ZNF559: variants seen among roughly 807,000 people sequenced by gnomAD.
The protein encoded by ZNF559 is zinc finger protein 559, also known as putative protein product of Nbla00121.
In ZNF559, 17 loss-of-function variants were observed where a neutral mutation model predicts 14.2. The ratio of observed to expected loss-of-function variants is 1.20; its 90% confidence interval spans 0.82 to 1.80. The LOEUF (loss-of-function observed/expected upper bound fraction) is 1.80. Among genes scored for constraint, ZNF559 ranks in the 40% most tolerant of loss-of-function variants. ZNF559 has a pLI of 0.00. For missense variants in ZNF559, 740 were observed against 629.7 expected (o/e 1.18, Z -1.88); for synonymous variants, 244 against 212.4 (o/e 1.15, Z -1.29).
At position 9,325,986 on chromosome 19, in the gene ZNF559, C is replaced by T. The variant is rs1400880464; in HGVS notation, c.-120+1206C>T. On this transcript the variant is annotated intron_variant, in intron 2 of 6. Transcript: ENST00000603380. The stretch of plus-strand genomic sequence containing the variant: ...AGACTTCATTGTCCATCCCCACCCC[C>T]AAATCAAATCAGATTTCCCCAGCTG... Among the ~76,000 whole-genome samples the T allele has an allele frequency of 2.6e-5, 4 of 152,102 alleles. No homozygotes were observed. The East Asian group carries it at 7.7e-4, about 29-fold the overall frequency.
chr19:9,333,472 G>A (rs1035298660), intron 2 of ZNF559, among the ~76,000 whole-genome samples: 5 of 152,166 alleles, frequency 3.3e-5, no homozygotes, highest in African/African-American at 1.2e-4. Context: ...GGAGGCCAAG[G>A]CAGGAGAATC....
intron 2 of ZNF559, among the ~76,000 whole-genome samples, chr19:9,332,414 ACT>A (rs1424751063): frequency 2.0e-5 from 3 of 151,476 alleles, no homozygotes; most frequent in Non-Finnish European, 2.9e-5. Context: ...GTTTGTGTTA[ACT>A]CTCTGCTCTG....
In ZNF559 at chr19:9,343,178, G is replaced by A; in HGVS notation, c.*110G>A. 1 of 1,499,500 alleles carries A rather than the reference G, an allele frequency of 6.7e-7. No homozygotes were observed. The highest frequency in any genetic ancestry group is 8.8e-7 in the Non-Finnish European group (1 of 1,133,292). The allele number at this position is 1,499,500 out of a possible 1,614,324, so 92.9% of individuals were successfully genotyped here. On this transcript the variant is annotated 3_prime_UTR_variant, in exon 7 of 7. Coordinates refer to ENST00000603380, the MANE Select transcript of ZNF559 (RefSeq NM_032497.3). ...TACACAGTCATAAGGAATGTGGGAAGCCTTCCTTGGTGTCTCAGATCTTAA... is the reference window on the plus strand; with the variant it reads ...TACACAGTCATAAGGAATGTGGGAAACCTTCCTTGGTGTCTCAGATCTTAA...
chr19:9,325,877 C>T (rs1048910025), intron 2 of ZNF559, among the ~76,000 whole-genome samples: 1 of 151,906 alleles, frequency 6.6e-6, no homozygotes, highest in African/African-American at 2.4e-5. Context: ...TTATCATGAG[C>T]CATTTAAATT....
rs1317322489 is a variant in ZNF559, at chr19:9,324,486, G to C, written c.-205-209G>C. 2.2e-6 allele frequency: 3 copies of C among 1,394,244 alleles called. No homozygotes were observed. In the Admixed American group the frequency reaches 8.6e-5, roughly 40 times the overall value. The allele number at this position is 1,394,244 out of a possible 1,614,324, so 86.4% of individuals were successfully genotyped here. On this transcript the variant is annotated intron_variant, in intron 1 of 6. Transcript: ENST00000603380. ...GGGGCACGGCCTTTCCATTTTCCCT[G>C]CTCCCCTCTGCAGAAGCCTCATAGG... is the stretch of plus-strand genomic sequence containing the variant.
intron 2 of ZNF559, among the ~76,000 whole-genome samples, chr19:9,327,217 G>T (rs2066658771): frequency 2.0e-5 from 3 of 149,128 alleles, no homozygotes; most frequent in East Asian, 2.0e-4. Context: ...TCACCCAGTG[G>T]TTTTTTTGGT....
At chr19:9,327,634 CTGT>C (rs2066693170) in intron 2 of ZNF559, among the ~76,000 whole-genome samples, 1 of 152,146 alleles carries the variant, frequency 6.6e-6, no homozygotes, top group South Asian at 2.1e-4. Flanking sequence ...TTTCCTAGTT[CTGT>C]TGTTCTTTCT....
At chr19:9,327,246 TTTTTG>T (rs2066665151) in intron 2 of ZNF559, among the ~76,000 whole-genome samples, 1 of 133,402 alleles carries the variant, frequency 7.5e-6, no homozygotes, top group African/African-American at 2.9e-5. Flanking sequence ...GTTTTGTTTT[TTTTTG>T]TTTTTGTTTT....
intron 2 of ZNF559, among the ~76,000 whole-genome samples, chr19:9,334,537 A>G (rs1163470860): frequency 1.3e-5 from 2 of 152,210 alleles, no homozygotes; most frequent in Non-Finnish European, 2.9e-5. Context: ...AAAAACAGAC[A>G]AAATTAACCT....
chr19:9,325,482 C>A (rs984191091), intron 2 of ZNF559, among the ~76,000 whole-genome samples: 2 of 151,736 alleles, frequency 1.3e-5, no homozygotes, highest in Non-Finnish European at 2.9e-5. Flanking sequence ...TAGAGAACAT[C>A]TGTAGCTCGA....
At chr19:9,332,548 C>T (rs1469171134) in intron 2 of ZNF559, among the ~76,000 whole-genome samples, 1 of 152,116 alleles carries the variant, frequency 6.6e-6, no homozygotes, top group Admixed American at 6.6e-5. Context: ...ACATGCACCT[C>T]AGTGATCCTG....
intron 2 of ZNF559, chr19:9,333,042 T>C (rs1309863615): frequency 6.6e-6 from 1 of 152,258 alleles, no homozygotes; most frequent in Non-Finnish European, 1.5e-5. Flanking sequence ...AGATCACGGT[T>C]CACTGCAGCA....
In ZNF559 at chr19:9,324,759, C is replaced by G; in HGVS notation, c.-141C>G. On this transcript the variant is annotated 5_prime_UTR_variant, in exon 2 of 7. Transcript: ENST00000603380. ...TTGGTGTCCTCCTGGCCTCAGCAAC[C>G]TGACAATTCTGTCGTGTCCCGGTGA... 1 of 1,535,972 alleles carries G rather than the reference C, an allele frequency of 6.5e-7. No individual in the cohort carries two copies. Among genetic ancestry groups the G allele is most frequent in the Non-Finnish European group, 8.7e-7 (1 of 1,146,836 alleles).
chr19:9,339,342 C>A (rs1401540867), intron 5 of ZNF559, 23 bp downstream of exon 5: 2 of 1,579,224 alleles, frequency 1.3e-6, no homozygotes, highest in African/African-American at 1.4e-5. Flanking sequence ...CCATTCTTTT[C>A]ATTTAGTTTT....
chr19:9,327,184 A>G (rs532282263), intron 2 of ZNF559, among the ~76,000 whole-genome samples: 2 of 152,148 alleles, frequency 1.3e-5, no homozygotes, highest in Non-Finnish European at 2.9e-5. Flanking sequence ...CTACAGGGGA[A>G]TATTCTGTTC....
rs1035827687 is a variant in ZNF559, at chr19:9,345,423, A to G, written c.*2355A>G. On this transcript the variant is annotated 3_prime_UTR_variant, in exon 7 of 7. Coordinates refer to ENST00000603380, the MANE Select transcript of ZNF559 (RefSeq NM_032497.3). ...CATTTGACATTTCCATGAGCAGTAT[A>G]TAAGAGTTGCAATTCTTCTGCATCC... 2 of 152,200 alleles carry G rather than the reference A, an allele frequency of 1.3e-5. No individual in the cohort carries two copies. Among genetic ancestry groups the G allele is most frequent in the South Asian group, 4.1e-4 (2 of 4,830 alleles). 9.4% of individuals were successfully genotyped at this position (152,200 alleles called of 1,614,324 possible).
intron 2 of ZNF559, among the ~76,000 whole-genome samples, chr19:9,329,086 T>TA (rs35324472): frequency 0.61 from 92,585 of 151,958 alleles, 28,819 homozygotes; most frequent in African/African-American, 0.73. Flanking sequence ...TTTTTTGGGC[T>TA]GGGGGTTTGA....
rs1483343409 is a variant in ZNF559 at position 9,333,573 on chromosome 19, TAGCTA to T, written c.-119-4222_-119-4218del. On this transcript the variant is annotated intron_variant, in intron 2 of 6. Transcript: ENST00000603380. Reference sequence around the variant, plus strand: ...ACATGGTGGCACATGCTTCTTCTCCTAGCTACTTGGGATGCTGAGGCAGGAGGATT... The same window carrying T: ...ACATGGTGGCACATGCTTCTTCTCCTCTTGGGATGCTGAGGCAGGAGGATT... Among the ~76,000 whole-genome samples the T allele has an allele frequency of 3.9e-5, 6 of 152,124 alleles. No homozygotes were observed. In the South Asian group the frequency reaches 6.2e-4, roughly 16 times the overall value.
chr19:9,338,249 C>T (rs2067348208), intron 3 of ZNF559, among the ~76,000 whole-genome samples: 1 of 152,090 alleles, frequency 6.6e-6, no homozygotes, highest in Non-Finnish European at 1.5e-5. Context: ...TCTTTTTTGG[C>T]AAATAAGGAA....
Sources: allele counts gnomAD v4.1 joint callset (sites outside exome capture counted in the v4.1 genomes callset), GRCh38; gene constraint gnomAD v4.1.1; transcripts MANE v1.5; gene names NCBI Gene and HGNC (gene_info 2026-07-23, HGNC 2026-07-21).